Variants in KCNA4 observed in about 807,000 individuals in gnomAD.
KCNA4 encodes cardiac potassium channel.
A neutral mutation model predicts 37.2 loss-of-function variants in KCNA4; 5 were observed. The observed-to-expected ratio is 0.13, with a 90% CI of 0.07 to 0.28. The LOEUF is 0.28. Among genes scored for constraint, KCNA4 ranks in the 10% least tolerant of loss-of-function variants. The pLI, the probability that KCNA4 is intolerant of heterozygous loss-of-function variation, is 1.00. For missense variants in KCNA4, 634 were observed against 817.4 expected (o/e 0.78, Z 2.74); for synonymous variants, 350 against 311.8 (o/e 1.12, Z -1.29).
In KCNA4 at chr11:30,012,222, A is replaced by G; in HGVS notation, c.457T>C (p.Tyr153His). 2 of 1,614,152 alleles carry G rather than the reference A, an allele frequency of 1.2e-6. No homozygotes were observed. Among genetic ancestry groups the G allele is most frequent in the Non-Finnish European group, 1.7e-6 (2 of 1,180,026 alleles). ...SEDDHGDECS[Y>H]TDLLPQDEGG... ...TCATCCTGAGGCAGCAGATCCGTGT[A>G]GGAACACTCATCACCATGGTCATCT... Residue 153 changes from tyrosine (Y) to histidine (H), a missense_variant, in exon 2 of 2, where the codon TAC (tyrosine) becomes CAC (histidine). This residue lies in a region of KCNA4 where 236 missense variants were observed against 229.5 expected (regional missense o/e 1.03). Transcript: ENST00000328224.
chr11:30,011,431 G>T lies in KCNA4; in HGVS notation c.1248C>A (p.Phe416Leu). 6.2e-7 allele frequency: 1 copy of T among 1,614,158 alleles called. No homozygotes were observed. Among genetic ancestry groups the T allele is most frequent in the Non-Finnish European group, 8.5e-7 (1 of 1,180,030 alleles). ...IIDIVSILPYFITLGTDLAQQ... is the reference protein window; with the variant it reads ...IIDIVSILPYLITLGTDLAQQ... Reference sequence around the variant, plus strand: ...GGGCCAGGTCAGTGCCCAGTGTGATGAAGTAAGGCAAAATGGAGACAATGT... The same window carrying T: ...GGGCCAGGTCAGTGCCCAGTGTGATTAAGTAAGGCAAAATGGAGACAATGT... The change falls in exon 2 of 2, where the codon TTC becomes TTA. Residue 416 changes from phenylalanine to leucine, a missense_variant. Transcript: ENST00000328224. The surrounding 1 kb of genome is among the most constrained non-coding windows in gnomAD (Gnocchi z 5.6).
chr11:30,015,586 A>G (rs1348011853), intron 1 of KCNA4, among the ~76,000 whole-genome samples: 1 of 151,768 alleles, frequency 6.6e-6, no homozygotes, highest in African/African-American at 2.4e-5. Flanking sequence ...TCCCTCCTCC[A>G]CCCTACAAGT....
chr11:30,016,576 C>A lies in KCNA4; in HGVS notation c.-787G>T. The A allele has an allele frequency of 5.6e-6, 1 of 178,326 alleles. No homozygotes were observed. Among genetic ancestry groups the A allele is most frequent in the Non-Finnish European group, 1.1e-5 (1 of 87,274 alleles). 11.0% of individuals were successfully genotyped at this position (178,326 alleles called of 1,614,324 possible). ...AAAAAAAGGTATCATACTTACCGTT[C>A]CCCGGCGGGGCGAAAAATAAAAATA... On this transcript the variant is annotated 5_prime_UTR_variant, in exon 1 of 2. Transcript: ENST00000328224.
chr11:30,015,064 C>A (rs1389162106), intron 1 of KCNA4, among the ~76,000 whole-genome samples: 1 of 152,048 alleles, frequency 6.6e-6, no homozygotes, highest in Non-Finnish European at 1.5e-5. Flanking sequence ...ACACCCCTTC[C>A]CAATCATATA....
chr11:30,014,801 A>G (rs538599070), intron 1 of KCNA4, among the ~76,000 whole-genome samples: 1 of 152,228 alleles, frequency 6.6e-6, no homozygotes, highest in East Asian at 1.9e-4. Context: ...GTTCAACAGG[A>G]CTTCCAAGAA....
In KCNA4 at chr11:30,013,422, G is replaced by A. The variant is rs1438184963; in HGVS notation, c.-744C>T. On this transcript the variant is annotated 5_prime_UTR_variant, in exon 2 of 2. Transcript: ENST00000328224. Reference sequence around the variant, plus strand: ...TCCATAGAAATCAAGGAAATGCAGAGCATTCTTCAGCCAAAATCATGCAGA... The same window carrying A: ...TCCATAGAAATCAAGGAAATGCAGAACATTCTTCAGCCAAAATCATGCAGA... 6.0e-6 allele frequency: 1 copy of A among 166,862 alleles called. No homozygotes were observed. The highest frequency in any genetic ancestry group is 2.4e-5 in the African/African-American group (1 of 41,450). 10.3% of individuals were successfully genotyped at this position (166,862 alleles called of 1,614,324 possible). A position where few individuals can be genotyped will look rare whatever the true frequency, so the allele number is the denominator to read the frequency against.
chr11:30,014,400 A>G (rs1034270975), intron 1 of KCNA4, among the ~76,000 whole-genome samples: 5 of 151,882 alleles, frequency 3.3e-5, no homozygotes, highest in African/African-American at 1.2e-4. Flanking sequence ...TCTAATAACC[A>G]TCTTCTCTCC....
Position 30,012,404 on chromosome 11 carries a change from T to C in KCNA4, c.275A>G (p.Lys92Arg). Residue 92 changes from lysine to arginine, a missense_variant, in exon 2 of 2, where the codon AAG becomes AGG. Physicochemically the swap from Lys to Arg is conservative, Grantham distance 26 (BLOSUM62 2). Around this residue, in one of 8 missense-constraint regions of KCNA4, gnomAD observed 236 missense variants for 229.5 expected, o/e 1.03. Coordinates refer to ENST00000328224, the MANE Select transcript of KCNA4 (RefSeq NM_002233.4). ...SRRRRRQRSE[K>R]KKAHYRQSSF... is the part of the protein sequence containing the mutation. Reference sequence around the variant, plus strand: ...GCTCTGCCGGTAGTGGGCTTTCTTCTTCTCAGACCGCTGTCGCCTCCTCCT... The same window carrying C: ...GCTCTGCCGGTAGTGGGCTTTCTTCCTCTCAGACCGCTGTCGCCTCCTCCT... 1 of 1,613,996 alleles carries C rather than the reference T, an allele frequency of 6.2e-7. No homozygotes were observed. The highest frequency in any genetic ancestry group is 8.5e-7 in the Non-Finnish European group (1 of 1,180,020).
chr11:30,012,200 T>A lies in KCNA4; in HGVS notation c.479A>T (p.Asp160Val), dbSNP rs769805406. ...ECSYTDLLPQ[D>V]EGGGGYSSVR... ...TGAACTGTAGCCGCCACCGCCCTCA[T>A]CCTGAGGCAGCAGATCCGTGTAGGA... The change falls in exon 2 of 2, where the codon GAT becomes GTT. Residue 160 changes from aspartate to valine, a missense_variant. This residue lies in a region of KCNA4 where 236 missense variants were observed against 229.5 expected (regional missense o/e 1.03). Coordinates refer to ENST00000328224, the MANE Select transcript of KCNA4 (RefSeq NM_002233.4). 1 of 1,614,098 alleles carries A rather than the reference T, an allele frequency of 6.2e-7. No individual in the cohort carries two copies. Among genetic ancestry groups the A allele is most frequent in the Non-Finnish European group, 8.5e-7 (1 of 1,180,018 alleles).
rs2133455054 is a variant in KCNA4 at position 30,013,013 on chromosome 11, A to C, written c.-335T>G. 4.4e-6 allele frequency: 1 copy of C among 225,358 alleles called. No homozygotes were observed. The highest frequency in any genetic ancestry group is 1.1e-4 in the East Asian group (1 of 9,372). 14.0% of individuals were successfully genotyped at this position (225,358 alleles called of 1,614,324 possible). ...GTTGAAATTTGGAAATATGTCTGGG[A>C]TGTGGTTAGTGATGTTGCTGCAAGA... On this transcript the variant is annotated 5_prime_UTR_variant, in exon 2 of 2. Transcript: ENST00000328224.
chr11:30,013,736 C>T (rs1186349304), intron 1 of KCNA4, among the ~76,000 whole-genome samples: 1 of 152,212 alleles, frequency 6.6e-6, no homozygotes, highest in Admixed American at 6.5e-5. Flanking sequence ...ATGGCTCTTG[C>T]TTCTATCTTC....
rs1311557394 is a variant in KCNA4 at position 30,012,244 on chromosome 11, A to G, written c.435T>C (p.Asp145=). The stretch of plus-strand genomic sequence containing the variant: ...TGTAGGAACACTCATCACCATGGTC[A>G]TCTTCACTATAGTAAAACCTTCCCT... ...EEEGRFYYSE[D]DHGDECSYTD... The change falls in exon 2 of 2, where the codon GAT becomes GAC. Residue 145 remains aspartate (D), a synonymous_variant. Transcript: ENST00000328224. 1.2e-6 allele frequency: 2 copies of G among 1,613,912 alleles called. No homozygotes were observed. Among genetic ancestry groups the G allele is most frequent in the Admixed American group, 1.7e-5 (1 of 59,996 alleles).
chr11:30,011,928 T>C lies in KCNA4; in HGVS notation c.751A>G (p.Ile251Val), dbSNP rs1458417526. ...LKRPVNVPFD[I>V]FTEEVKFYQL... ...TAGAACTTCACCTCCTCAGTGAAGATATCAAAGGGGACATTGACTGGCCTC... is the reference window on the plus strand; with the variant it reads ...TAGAACTTCACCTCCTCAGTGAAGACATCAAAGGGGACATTGACTGGCCTC... Residue 251 changes from isoleucine (I) to valine (V), a missense_variant, in exon 2 of 2, where the codon ATC (isoleucine) becomes GTC (valine). Ile to Val is a conservative substitution (Grantham distance 29, BLOSUM62 3). Coordinates refer to ENST00000328224, the MANE Select transcript of KCNA4 (RefSeq NM_002233.4). This position sits in a 1 kb window ranked among gnomAD's most constrained non-coding sequence, Gnocchi z 5.6. 6.2e-6 allele frequency: 10 copies of C among 1,614,112 alleles called. No homozygotes were observed. Among genetic ancestry groups the C allele is most frequent in the Non-Finnish European group, 7.6e-6 (9 of 1,180,008 alleles).
In KCNA4 at chr11:30,011,981, T is replaced by C; in HGVS notation, c.698A>G (p.Tyr233Cys). 2 of 1,614,096 alleles carry C rather than the reference T, an allele frequency of 1.2e-6. No homozygotes were observed. The highest frequency in any genetic ancestry group is 1.7e-6 in the Non-Finnish European group (2 of 1,180,012). ...CAGGCGGCCTCCTGATTGATAATAA[T>C]ACAAGATGGCATCAAAGCTGGGGCG... ...RNRPSFDAIL[Y>C]YYQSGGRLKR... Residue 233 changes from tyrosine (Y) to cysteine (C), a missense_variant, in exon 2 of 2, where the codon TAT (tyrosine) becomes TGT (cysteine). Physicochemically the swap from Tyr to Cys is radical, Grantham distance 194. This residue lies in a region of KCNA4 where 252 missense variants were observed against 344.2 expected (regional missense o/e 0.73). Transcript: ENST00000328224. This position sits in a 1 kb window ranked among gnomAD's most constrained non-coding sequence, Gnocchi z 5.6.
At chr11:30,013,997 A>T (rs1850329963) in intron 1 of KCNA4, among the ~76,000 whole-genome samples, 1 of 152,228 alleles carries the variant, frequency 6.6e-6, no homozygotes. Context: ...AATGCACTTC[A>T]GTCACCTCAT....
Position 30,011,550 on chromosome 11 carries a change from C to T in KCNA4, c.1129G>A (p.Val377Ile), listed in dbSNP as rs778734387. ...FNDPFFIVET[V>I]CIVWFSFEFV... is the part of the protein sequence containing the mutation. ...TCAAAGGAAAACCATACAATACAGACTGTTTCCACGATGAAGAAGGGGTCA... is the reference window on the plus strand; with the variant it reads ...TCAAAGGAAAACCATACAATACAGATTGTTTCCACGATGAAGAAGGGGTCA... Residue 377 changes from valine (V) to isoleucine (I), a missense_variant, in exon 2 of 2, where the codon GTC (valine) becomes ATC (isoleucine). Val to Ile is a conservative substitution (Grantham distance 29). This residue lies in a region of KCNA4 where 252 missense variants were observed against 344.2 expected (regional missense o/e 0.73). Transcript: ENST00000328224. This position sits in a 1 kb window ranked among gnomAD's most constrained non-coding sequence, Gnocchi z 5.6. 1.7e-5 allele frequency: 28 copies of T among 1,614,024 alleles called. No homozygotes were observed. The highest frequency in any genetic ancestry group is 2.3e-5 in the Non-Finnish European group (27 of 1,180,030).
At chr11:30,014,136 G>A (rs989859334) in intron 1 of KCNA4, among the ~76,000 whole-genome samples, 2 of 152,106 alleles carry the variant, frequency 1.3e-5, no homozygotes, top group African/African-American at 4.8e-5. Context: ...TGGCAGTTAT[G>A]AATAACATAA....
Position 30,011,696 on chromosome 11 carries a change from G to A in KCNA4, c.983C>T (p.Thr328Ile), listed in dbSNP as rs1236564084. The A allele has an allele frequency of 6.2e-7, 1 of 1,614,026 alleles. No individual in the cohort carries two copies. Among genetic ancestry groups the A allele is most frequent in the Non-Finnish European group, 8.5e-7 (1 of 1,180,046 alleles). The change falls in exon 2 of 2, where the codon ACC (threonine) becomes ATC (isoleucine). Residue 328 changes from threonine (T) to isoleucine (I), a missense_variant. Thr to Ile is a moderately conservative substitution (Grantham distance 89). Around this residue, in one of 8 missense-constraint regions of KCNA4, gnomAD observed 252 missense variants for 344.2 expected, o/e 0.73. Transcript: ENST00000328224. This position sits in a 1 kb window ranked among gnomAD's most constrained non-coding sequence, Gnocchi z 5.6. ...CCTGTCGTCCCTAAACTCAGGCAAGGTTTCCAGGCAAAAGATGACAATGGA... is the reference window on the plus strand; with the variant it reads ...CCTGTCGTCCCTAAACTCAGGCAAGATTTCCAGGCAAAAGATGACAATGGA... Reference protein sequence around the residue: ...LISIVIFCLETLPEFRDDRDL... With the variant: ...LISIVIFCLEILPEFRDDRDL...
chr11:30,010,859 T>C lies in KCNA4; in HGVS notation c.1820A>G (p.Asp607Gly), dbSNP rs2133452989. 1 of 1,614,156 alleles carries C rather than the reference T, an allele frequency of 6.2e-7. No individual in the cohort carries two copies. Among genetic ancestry groups the C allele is most frequent in the South Asian group, 1.1e-5 (1 of 91,076 alleles). The change falls in exon 2 of 2, where the codon GAC becomes GGC. Residue 607 changes from aspartate to glycine, a missense_variant. By Grantham distance (94) the Asp-to-Gly change is moderately conservative. Transcript: ENST00000328224. ...TTCCATCTCTAGATACTCTGACTTG[T>C]CCCCCAGGGAAGAAGAAGTAGAGCT... Reference protein sequence around the residue: ...FRSSTSSSLGDKSEYLEMEEG... With the variant: ...FRSSTSSSLGGKSEYLEMEEG...
Sources: allele counts gnomAD v4.1 joint callset (sites outside exome capture counted in the v4.1 genomes callset), GRCh38; gene constraint gnomAD v4.1.1; regional missense constraint gnomAD v4.1.1; non-coding constraint Gnocchi (gnomAD v3.1); transcripts MANE v1.5; gene names NCBI Gene and HGNC (gene_info 2026-07-23, HGNC 2026-07-21).